The following GPR137 variants were observed in gnomAD, a reference collection of about 807,000 sequenced individuals.
The protein encoded by GPR137 is G protein-coupled receptor 137, also known as integral membrane protein GPR137.
GPR137 carries 20 observed loss-of-function variants against 38.9 expected under a neutral mutation model. That is an observed-to-expected ratio of 0.51 (90% confidence interval 0.36 to 0.75). GPR137 has a LOEUF of 0.75. Among genes scored for constraint, GPR137 ranks in the 30% least tolerant of loss-of-function variants. The pLI is 0.00. For synonymous variants in GPR137, 226 were observed against 235.8 expected (o/e 0.96, Z 0.38); for missense variants, 456 against 526.4 (o/e 0.87, Z 1.31).
Position 64,288,581 on chromosome 11 carries a change from C to T in GPR137, c.913-22C>T, listed in dbSNP as rs1360883009. Reference sequence around the variant, plus strand: ...GCCAGTGCAGGACAGGAGTAAGTATCGATGATGGCTTCCTCCCCCAGAGCA... The same window carrying T: ...GCCAGTGCAGGACAGGAGTAAGTATTGATGATGGCTTCCTCCCCCAGAGCA... On this transcript the variant is annotated intron_variant, in intron 5 of 6. Transcript: ENST00000438980. The surrounding 1 kb of genome is among the most constrained non-coding windows in gnomAD (Gnocchi z 5.5). 3 of 1,613,068 alleles carry T rather than the reference C, an allele frequency of 1.9e-6. No homozygotes were observed. Among genetic ancestry groups the T allele is most frequent in the African/African-American group, 1.3e-5 (1 of 75,006 alleles).
At chr11:64,285,187 C>T (rs2033810396), upstream of GPR137, 19 of 988,804 alleles carry the variant, frequency 1.9e-5, no homozygotes, top group Non-Finnish European at 2.3e-5. Flanking sequence ...CCCGCTCCTC[C>T]TCCCAGGCGC....
At chr11:64,279,916 G>A (rs1362656409), upstream of GPR137, among the ~76,000 whole-genome samples, 1 of 152,024 alleles carries the variant, frequency 6.6e-6, no homozygotes, top group African/African-American at 2.4e-5. Flanking sequence ...GGGCACTGTG[G>A]CTCATGCCTG....
At chr11:64,271,728 T>C (rs1591132980), upstream of GPR137, 2 of 1,445,176 alleles carry the variant, frequency 1.4e-6, no homozygotes, top group Non-Finnish European at 9.1e-7. Flanking sequence ...GCTGGGCTCC[T>C]CCCCCATCCC....
rs1025811821 is a variant in GPR137, at chr11:64,276,838, G to A, written c.-16+417G>A. The A allele has an allele frequency of 8.4e-6, 6 of 715,512 alleles. No individual in the cohort carries two copies. In the African/African-American group the frequency reaches 8.7e-5, roughly 10 times the overall value. The allele number at this position is 715,512 out of a possible 1,614,324, so 44.3% of individuals were successfully genotyped here. On this transcript the variant is annotated intron_variant, in intron 2 of 2. Transcript: ENST00000538244. ...TTGCCATCCGCCTAGAGCCTGGCCC[G>A]GAGCTGGGTGTGGAAGTGGAGGGTA... is the stretch of plus-strand genomic sequence containing the variant.
chr11:64,277,432 T>C (rs1035629921), intron 2 of GPR137, among the ~76,000 whole-genome samples: 13 of 152,158 alleles, frequency 8.5e-5, no homozygotes, highest in African/African-American at 1.4e-4. Flanking sequence ...TTGGCAAATG[T>C]TTCCTTTTTG....
upstream of GPR137, chr11:64,284,694 G>A (rs1204603581): frequency 1.3e-6 from 2 of 1,535,870 alleles, no homozygotes; most frequent in Non-Finnish European, 8.7e-7. Flanking sequence ...CCCGGGCTCC[G>A]GGCCCTAGTT....
chr11:64,271,562 GGGGGGCGGCCTGGTACT>G, upstream of GPR137: 1 of 1,362,270 alleles, frequency 7.3e-7, no homozygotes, highest in Non-Finnish European at 9.5e-7. Context: ...ACAGACCGGC[GGGGGGCGGCCTGGTACT>G]TCAGGTCCTG....
In GPR137 at chr11:64,288,293, C is replaced by T; in HGVS notation, c.784-47C>T. 6.2e-7 allele frequency: 1 copy of T among 1,612,448 alleles called. No individual in the cohort carries two copies. Among genetic ancestry groups the T allele is most frequent in the Non-Finnish European group, 8.5e-7 (1 of 1,179,516 alleles). ...GCTGGCCTGGGCCCTGTCCCACTACCCCTTTGGCGTGACTGCAGACTGGCA... is the reference window on the plus strand; with the variant it reads ...GCTGGCCTGGGCCCTGTCCCACTACTCCTTTGGCGTGACTGCAGACTGGCA... On this transcript the variant is annotated intron_variant, in intron 4 of 6. Transcript: ENST00000438980. The surrounding 1 kb of genome is among the most constrained non-coding windows in gnomAD (Gnocchi z 5.5).
chr11:64,271,758 G>A, upstream of GPR137: 1 of 1,428,970 alleles, frequency 7.0e-7, no homozygotes, highest in African/African-American at 1.5e-5. Flanking sequence ...CTCCGTCCCC[G>A]CGGGGTAGGA....
chr11:64,289,084 G>C lies in GPR137; in HGVS notation c.1079G>C (p.Arg360Pro). 1 of 1,609,876 alleles carries C rather than the reference G, an allele frequency of 6.2e-7. No homozygotes were observed. The highest frequency in any genetic ancestry group is 1.1e-5 in the South Asian group (1 of 90,946). The change falls in exon 7 of 7, where the codon CGT (arginine) becomes CCT (proline). Residue 360 changes from arginine (R) to proline (P), a missense_variant. By Grantham distance (103) the Arg-to-Pro change is moderately radical. Coordinates refer to ENST00000438980, the MANE Select transcript of GPR137 (RefSeq NM_001170880.2). ...GGGAGCTGGTATGGTGCCATCGGGCGTGAGCCGGGCTGGTATGGGGGCAGC... is the reference window on the plus strand; with the variant it reads ...GGGAGCTGGTATGGTGCCATCGGGCCTGAGCCGGGCTGGTATGGGGGCAGC... Reference protein sequence around the residue: ...GSGSWYGAIGREPGWYGGSQT... With the variant: ...GSGSWYGAIGPEPGWYGGSQT...
At position 64,286,827 on chromosome 11, in the gene GPR137, C is replaced by T; in HGVS notation, c.303C>T (p.Cys101=). Residue 101 remains cysteine (C), a synonymous_variant, in exon 1 of 7, where the codon TGC becomes TGT. Coordinates refer to ENST00000438980, the MANE Select transcript of GPR137 (RefSeq NM_001170880.2). ...GPLPFWLLYC[C]PVCLQFFTLT... ...TGCCCTTCTGGCTTCTCTACTGCTG[C>T]CCCGTCTGCCTGCAGTTCTTCACCT... 2 of 1,597,026 alleles carry T rather than the reference C, an allele frequency of 1.3e-6. No individual in the cohort carries two copies. The highest frequency in any genetic ancestry group is 1.7e-6 in the Non-Finnish European group (2 of 1,169,048).
upstream of GPR137, chr11:64,271,684 T>TG (rs2032625391): frequency 4.7e-6 from 7 of 1,481,698 alleles, no homozygotes; most frequent in South Asian, 1.3e-5. Context: ...GCCCAGAGGT[T>TG]GGGGGGCGCC....
Position 64,289,017 on chromosome 11 carries a change from A to G in GPR137, c.1032-20A>G, listed in dbSNP as rs1192025244. Reference sequence around the variant, plus strand: ...GGCCCTGGTCACTGTCCTGAGACTGACCCTGTTTCTCTGCTGCAGTATGTC... The same window carrying G: ...GGCCCTGGTCACTGTCCTGAGACTGGCCCTGTTTCTCTGCTGCAGTATGTC... On this transcript the variant is annotated intron_variant, in intron 6 of 6. Coordinates refer to ENST00000438980, the MANE Select transcript of GPR137 (RefSeq NM_001170880.2). The G allele has an allele frequency of 6.6e-7, 1 of 1,517,590 alleles. No individual in the cohort carries two copies. 94.0% of individuals were successfully genotyped at this position (1,517,590 alleles called of 1,614,324 possible). A position where few individuals can be genotyped will look rare whatever the true frequency, so the allele number is the denominator to read the frequency against.
intron 2 of GPR137, chr11:64,287,497 A>C (rs1426960763): frequency 1.8e-5 from 11 of 617,796 alleles, no homozygotes; most frequent in African/African-American, 4.0e-5. Context: ...TGGGGCTCAG[A>C]CAGAGACTTC....
At chr11:64,275,998 G>A (rs1355073724) in intron 1 of GPR137, among the ~76,000 whole-genome samples, 1 of 152,194 alleles carries the variant, frequency 6.6e-6, no homozygotes, top group East Asian at 1.9e-4. Context: ...GTAGGTAGCA[G>A]AGCTGGGATC....
Position 64,288,089 on chromosome 11 carries a change from G to A in GPR137, c.658G>A (p.Ala220Thr), listed in dbSNP as rs772451549. Residue 220 changes from alanine to threonine, a missense_variant, in exon 4 of 7, where the codon GCG becomes ACG. By Grantham distance (58) the Ala-to-Thr change is moderately conservative. Coordinates refer to ENST00000438980, the MANE Select transcript of GPR137 (RefSeq NM_001170880.2). The surrounding 1 kb of genome is among the most constrained non-coding windows in gnomAD (Gnocchi z 5.5). ...GGGGACCAGTGTGTGCCAGGCGGCC[G>A]CGATGGGTGGCGCCATGGTCCTGCT... ...AKGTSVCQAA[A>T]MGGAMVLLYA... The A allele has an allele frequency of 1.9e-5, 30 of 1,611,436 alleles. No homozygotes were observed. Among genetic ancestry groups the A allele is most frequent in the East Asian group, 4.5e-5 (2 of 44,894 alleles).
upstream of GPR137, among the ~76,000 whole-genome samples, chr11:64,275,303 C>A (rs1393548468): frequency 6.6e-6 from 1 of 152,174 alleles, no homozygotes; most frequent in Non-Finnish European, 1.5e-5. Flanking sequence ...ACAGAAGGGG[C>A]ACTGACGGAA....
chr11:64,284,994 C>T, upstream of GPR137: 3 of 1,308,630 alleles, frequency 2.3e-6, no homozygotes, highest in South Asian at 5.1e-5. Flanking sequence ...CTTAGTTTCC[C>T]CCCAGTGAAG....
upstream of GPR137, among the ~76,000 whole-genome samples, chr11:64,275,358 T>C (rs2032983445): frequency 6.6e-6 from 1 of 152,190 alleles, no homozygotes; most frequent in Non-Finnish European, 1.5e-5. Flanking sequence ...GTGCGGTGAC[T>C]GTGGAGCAGG....
Sources: gnomAD v4.1 joint callset for allele counts (sites outside exome capture counted in the v4.1 genomes callset) on GRCh38, gnomAD v4.1.1 for gene constraint, Gnocchi (gnomAD v3.1) non-coding constraint, MANE v1.5 for transcripts, NCBI Gene and HGNC (gene_info 2026-07-23, HGNC 2026-07-21) for gene names.